Variants in AKNA observed in about 807,000 individuals in gnomAD.
AKNA encodes microtubule organization protein AKNA.
A neutral mutation model predicts 138.8 loss-of-function variants in AKNA; 67 were observed. The ratio of observed to expected loss-of-function variants is 0.48; its 90% CI spans 0.40 to 0.59. AKNA has a LOEUF of 0.59. Ranked by LOEUF, AKNA falls within the 20% of genes least tolerant of loss-of-function variation. The pLI, the probability that AKNA is intolerant of heterozygous loss-of-function variation, is 0.00. For missense variants in AKNA, 1,813 were observed against 1,880.4 expected (o/e 0.96, Z 0.66); for synonymous variants, 737 against 754.4 (o/e 0.98, Z 0.38).
chr9:114,386,388 C>T (rs1212812539), intron 1 of AKNA, among the ~76,000 whole-genome samples: 5 of 152,106 alleles, frequency 3.3e-5, no homozygotes, highest in East Asian at 1.9e-4. Context: ...GGGAACAGCA[C>T]GGAGGCAAAG....
intron 2 of AKNA, among the ~76,000 whole-genome samples, chr9:114,378,084 T>C (rs759808903): frequency 8.5e-5 from 13 of 152,180 alleles, no homozygotes; most frequent in Non-Finnish European, 1.8e-4. Context: ...ACCTTCACTA[T>C]GGTCCTAAGG....
intron 1 of AKNA, among the ~76,000 whole-genome samples, chr9:114,387,294 C>T (rs1834105762): frequency 6.6e-6 from 1 of 152,202 alleles, no homozygotes; most frequent in African/African-American, 2.4e-5. Flanking sequence ...TCCTCCCTGC[C>T]CCCAGCCCGC....
At chr9:114,332,034 C>G (rs1468386925), downstream of AKNA, 6 of 926,700 alleles carry the variant, frequency 6.5e-6, no homozygotes, top group Non-Finnish European at 6.7e-6. Context: ...CACAGCTAGG[C>G]AGATCTTCTG....
Position 114,337,292 on chromosome 9 carries a change from G to A in AKNA, c.4082C>T (p.Ala1361Val), listed in dbSNP as rs757292584. The A allele has an allele frequency of 6.6e-7, 1 of 1,511,494 alleles. No homozygotes were observed. The highest frequency in any genetic ancestry group is 8.9e-7 in the Non-Finnish European group (1 of 1,120,512). 93.6% of individuals were successfully genotyped at this position (1,511,494 alleles called of 1,614,324 possible). A position where few individuals can be genotyped will look rare whatever the true frequency, so the allele number is the denominator to read the frequency against. Reference sequence around the variant, plus strand: ...AGCTGGTTGGGCTGAGGTAGGTCCTGCAGGCGCATAGTACCTGAGGAGAGA... The same window carrying A: ...AGCTGGTTGGGCTGAGGTAGGTCCTACAGGCGCATAGTACCTGAGGAGAGA... ...YPPAAVYYAP[A>V]GPTSAQPAAK... The change falls in exon 22 of 22, where the codon GCA becomes GTA. Residue 1361 changes from alanine (A) to valine (V), a missense_variant. By Grantham distance (64) the Ala-to-Val change is moderately conservative (BLOSUM62 0). Transcript: ENST00000374088.
Position 114,378,391 on chromosome 9 carries a change from C to A in AKNA, c.275-859G>T, listed in dbSNP as rs142459061. On this transcript the variant is annotated intron_variant, in intron 2 of 21. Transcript: ENST00000374088. Reference sequence around the variant, plus strand: ...GCTCCCTCTACTTTGTAACACTTATCATAGCAGCAGTTTTCCATTTATTTG... The same window carrying A: ...GCTCCCTCTACTTTGTAACACTTATAATAGCAGCAGTTTTCCATTTATTTG... Among the ~76,000 whole-genome samples, 133 of 152,352 alleles carry A rather than the reference C, an allele frequency of 8.7e-4. 3 individuals carry two copies. The East Asian group carries it at 0.025, about 28-fold the overall frequency.
intron 19 of AKNA, among the ~76,000 whole-genome samples, chr9:114,342,655 G>A (rs911356008): frequency 6.6e-6 from 1 of 152,190 alleles, no homozygotes; most frequent in African/African-American, 2.4e-5. Context: ...CATCCCCAAT[G>A]CCACACCTGG....
chr9:114,337,728 C>T lies in AKNA; in HGVS notation c.4068-422G>A, dbSNP rs572382755. Among the ~76,000 whole-genome samples, 14 of 152,144 alleles carry T rather than the reference C, an allele frequency of 9.2e-5. No homozygotes were observed. In the East Asian group the frequency reaches 2.7e-3, roughly 29 times the overall value. ...GCAAAACCCCCTCATGGAAGAATAT[C>T]TGGGGGTTCCATTTGCCAAGCAAGG... is the stretch of plus-strand genomic sequence containing the variant. On this transcript the variant is annotated intron_variant, in intron 21 of 21. Transcript: ENST00000374088.
chr9:114,362,362 GCCCAT>G, intron 8 of AKNA, 39 bp downstream of exon 8: 1 of 1,581,586 alleles, frequency 6.3e-7, no homozygotes, highest in Non-Finnish European at 8.6e-7. Context: ...GACCCCAGGG[GCCCAT>G]CCCATCTGTC....
chr9:114,332,955 C>T (rs1318336267), downstream of AKNA: 5 of 1,525,186 alleles, frequency 3.3e-6, no homozygotes, highest in Admixed American at 1.0e-4. Context: ...GGTTGGAGCC[C>T]TGGTTGAGCT....
At chr9:114,356,231 G>A in intron 13 of AKNA, 95 bp from the exon 14 acceptor site, 3 of 1,165,610 alleles carry the variant, frequency 2.6e-6, no homozygotes, top group Non-Finnish European at 2.4e-6. Context: ...AACCCAATAA[G>A]CTCCCACCCT....
chr9:114,368,165 C>T (rs1342291916), intron 5 of AKNA: 3 of 359,614 alleles, frequency 8.3e-6, no homozygotes, highest in South Asian at 1.4e-4. Flanking sequence ...GAGATATGGG[C>T]TCCCCAGGGA....
chr9:114,376,009 T>TCCCCCCCCCCC, intron 3 of AKNA: 1 of 360,210 alleles, frequency 2.8e-6, no homozygotes, highest in Non-Finnish European at 5.4e-6. Context: ...ACCCCAGGCC[T>TCCCCCCCCCCC]CCCCACCCCA....
intron 15 of AKNA, among the ~76,000 whole-genome samples, chr9:114,349,153 G>A (rs1371605856): frequency 2.6e-5 from 4 of 152,174 alleles, no homozygotes; most frequent in Non-Finnish European, 1.5e-5. Flanking sequence ...CTGAAATGGA[G>A]AGCTCCGCCT....
intron 6 of AKNA, among the ~76,000 whole-genome samples, chr9:114,365,379 C>T (rs1449871162): frequency 6.6e-6 from 1 of 152,134 alleles, no homozygotes; most frequent in Non-Finnish European, 1.5e-5. Context: ...AACATTTTTG[C>T]ATGGGTTGGA....
At chr9:114,348,427 T>C (rs538354997) in intron 15 of AKNA, among the ~76,000 whole-genome samples, 2 of 152,260 alleles carry the variant, frequency 1.3e-5, no homozygotes, top group Admixed American at 6.5e-5. Flanking sequence ...CCCTGCACCT[T>C]GTGGATGCTC....
intron 8 of AKNA, 149 bp from the exon 9 acceptor site, chr9:114,362,060 T>A: frequency 1.1e-6 from 1 of 877,404 alleles, no homozygotes; most frequent in South Asian, 1.8e-5. Flanking sequence ...GAACTCAAAA[T>A]AAGCAAGATG....
intron 15 of AKNA, among the ~76,000 whole-genome samples, chr9:114,348,185 G>A (rs547380319): frequency 6.6e-6 from 1 of 152,308 alleles, no homozygotes; most frequent in East Asian, 1.9e-4. Flanking sequence ...GAACACCAGT[G>A]ACAAATTCTC....
At chr9:114,331,099 A>G (rs546018940), downstream of AKNA, among the ~76,000 whole-genome samples, 5 of 152,122 alleles carry the variant, frequency 3.3e-5, no homozygotes, top group Non-Finnish European at 5.9e-5. Context: ...GCTTATAATT[A>G]GAACTAGAAT....
At chr9:114,346,956 C>G (rs991750529) in intron 16 of AKNA, among the ~76,000 whole-genome samples, 172 bp from the exon 17 acceptor site, 1 of 152,226 alleles carries the variant, frequency 6.6e-6, no homozygotes, top group Non-Finnish European at 1.5e-5. Context: ...CTCTGCGCCT[C>G]TCTGATCCTC....
Sources: gnomAD v4.1 joint callset for allele counts (sites outside exome capture counted in the v4.1 genomes callset) on GRCh38, gnomAD v4.1.1 for gene constraint, MANE v1.5 for transcripts, NCBI Gene and HGNC (gene_info 2026-07-23, HGNC 2026-07-21) for gene names.